MARCHF1: variants seen among roughly 807,000 people sequenced by gnomAD.
The protein encoded by MARCHF1 is E3 ubiquitin-protein ligase MARCHF1.
MARCHF1 carries 40 observed loss-of-function variants against 54.2 expected under a neutral mutation model. The observed-to-expected ratio is 0.74, with a 90% CI of 0.57 to 0.96. The LOEUF (loss-of-function observed/expected upper bound fraction) is 0.96, where lower values mean the gene tolerates loss of function less well. Ranked by LOEUF, MARCHF1 falls within the 40% of genes least tolerant of loss-of-function variation. The probability of loss-of-function intolerance (pLI) is 0.00; values close to 1 mark genes in which losing one functional copy is unlikely to be tolerated. For synonymous variants in MARCHF1, 236 were observed against 236.3 expected (o/e 1.00, Z 0.01); for missense variants, 586 against 656.5 (o/e 0.89, Z 1.17).
At chr4:163,955,609 A>G (rs1752216928) in intron 3 of MARCHF1, among the ~76,000 whole-genome samples, 1 of 152,054 alleles carries the variant, frequency 6.6e-6, no homozygotes, top group South Asian at 2.1e-4. Context: ...TGTCTCACTC[A>G]TTCACTCTTC....
chr4:164,351,317 T>G lies in MARCHF1; in HGVS notation c.-323+32553A>C, dbSNP rs551108160. 5.6e-4 allele frequency among the ~76,000 whole-genome samples: 84 copies of G among 151,000 alleles called. 4 individuals are homozygous for G. Among genetic ancestry groups the G allele is most frequent in the East Asian group, 3.7e-3 (19 of 5,098 alleles). On this transcript the variant is annotated intron_variant, in intron 1 of 9. Coordinates refer to ENST00000514618, the MANE Select transcript of MARCHF1 (RefSeq NM_001394959.1). ...CTCCACCTCTGGGGGCAGGGCACAG[T>G]CAAACAAAAAGACAGCAGTAACCTC...
intron 1 of MARCHF1, among the ~76,000 whole-genome samples, chr4:164,280,624 C>T (rs944600654): frequency 3.9e-5 from 6 of 152,046 alleles, no homozygotes; most frequent in African/African-American, 1.4e-4. Context: ...GTCAACTAAA[C>T]CCAGAAAATA....
intron 2 of MARCHF1, among the ~76,000 whole-genome samples, chr4:164,077,461 T>TA (rs1189779254): frequency 6.6e-6 from 1 of 152,158 alleles, no homozygotes; most frequent in Non-Finnish European, 1.5e-5. Context: ...ATTCAGGACA[T>TA]AGGCATGGGC....
At chr4:163,572,623 T>C (rs955025497) in intron 8 of MARCHF1, among the ~76,000 whole-genome samples, 2 of 152,128 alleles carry the variant, frequency 1.3e-5, no homozygotes, top group African/African-American at 4.8e-5. Flanking sequence ...TGTAGGGGTC[T>C]TTGTGCCACG....
intron 5 of MARCHF1, among the ~76,000 whole-genome samples, chr4:163,699,809 AG>A (rs1744748785): frequency 6.6e-6 from 1 of 152,142 alleles, no homozygotes; most frequent in Non-Finnish European, 1.5e-5. Context: ...CCCAAGCACC[AG>A]GTGTATATAT....
intron 4 of MARCHF1, among the ~76,000 whole-genome samples, chr4:163,727,860 A>T (rs1745710577): frequency 6.6e-6 from 1 of 151,180 alleles, no homozygotes; most frequent in Non-Finnish European, 1.5e-5. Context: ...TTATTTTTTT[A>T]ATTTTATATA....
In MARCHF1 at chr4:164,284,476, G is replaced by T. The variant is rs72989557; in HGVS notation, c.-323+99394C>A. ...CTTTATAACATATTATGGCAATTAG[G>T]TAAGTAAGGATTTGAATATTCAGGT... On this transcript the variant is annotated intron_variant, in intron 1 of 9. Transcript: ENST00000514618. 5.8e-3 allele frequency among the ~76,000 whole-genome samples: 882 copies of T among 151,026 alleles called. 26 individuals carry two copies. Among genetic ancestry groups the T allele is most frequent in the African/African-American group, 0.021 (856 of 41,186 alleles).
chr4:164,335,903 T>C (rs928865777), intron 1 of MARCHF1, among the ~76,000 whole-genome samples: 2 of 152,184 alleles, frequency 1.3e-5, no homozygotes, highest in African/African-American at 4.8e-5. Context: ...AACCTGAATA[T>C]ATGTATTCTT....
In MARCHF1 at chr4:163,576,367, T is replaced by C. The variant is rs368964332; in HGVS notation, c.1191+9382A>G. ...TTGGTTTTGAGAAATCTTCTTGATA[T>C]AGATTTCTATTTTTATTTCACCATG... is the stretch of plus-strand genomic sequence containing the variant. On this transcript the variant is annotated intron_variant, in intron 8 of 9. Coordinates refer to ENST00000514618, the MANE Select transcript of MARCHF1 (RefSeq NM_001394959.1). Among the ~76,000 whole-genome samples, 4 of 152,140 alleles carry C rather than the reference T, an allele frequency of 2.6e-5. No homozygotes were observed. The South Asian group carries it at 6.2e-4, about 24-fold the overall frequency.
intron 1 of MARCHF1, among the ~76,000 whole-genome samples, chr4:164,328,731 T>C (rs1224043492): frequency 6.6e-6 from 1 of 152,172 alleles, no homozygotes; most frequent in African/African-American, 2.4e-5. Flanking sequence ...GGTTTCACCA[T>C]GTTGCCCAGG....
chr4:164,218,306 TAA>T (rs1731990230), intron 1 of MARCHF1, among the ~76,000 whole-genome samples: 1 of 152,074 alleles, frequency 6.6e-6, no homozygotes. Context: ...TATTGAAACT[TAA>T]GTGGCATTTT....
At chr4:163,592,451 A>C (rs745974552) in intron 7 of MARCHF1, among the ~76,000 whole-genome samples, 1 of 152,114 alleles carries the variant, frequency 6.6e-6, no homozygotes, top group Non-Finnish European at 1.5e-5. Flanking sequence ...ATGACATGGC[A>C]ATGTCCCTGG....
chr4:164,257,419 T>C (rs1480093510), intron 1 of MARCHF1, among the ~76,000 whole-genome samples: 1 of 152,018 alleles, frequency 6.6e-6, no homozygotes, highest in African/African-American at 2.4e-5. Flanking sequence ...GGCCAAACCA[T>C]ATAAAAAATA....
intron 1 of MARCHF1, among the ~76,000 whole-genome samples, chr4:164,298,966 C>G (rs11722251): frequency 0.26 from 40,233 of 151,926 alleles, 5,756 homozygotes; most frequent in Admixed American, 0.39. Flanking sequence ...AAATAAAATA[C>G]AGGTGTATAA....
At chr4:163,844,114 C>G (rs1253524373) in intron 4 of MARCHF1, among the ~76,000 whole-genome samples, 3 of 151,936 alleles carry the variant, frequency 2.0e-5, no homozygotes, top group Admixed American at 1.3e-4. Flanking sequence ...TTTTCCTGAT[C>G]CTCTCCCTAC....
intron 3 of MARCHF1, among the ~76,000 whole-genome samples, chr4:163,906,586 A>G (rs1751072169): frequency 6.6e-6 from 1 of 151,906 alleles, no homozygotes; most frequent in Non-Finnish European, 1.5e-5. Flanking sequence ...CATCACCACA[A>G]TCTATGCCAT....
intron 1 of MARCHF1, among the ~76,000 whole-genome samples, chr4:164,206,217 A>G (rs1260521232): frequency 6.6e-6 from 1 of 152,150 alleles, no homozygotes; most frequent in Non-Finnish European, 1.5e-5. Context: ...CAGGCAGATC[A>G]CCTGAGGTCA....
chr4:164,356,377 C>G (rs1472837350), intron 1 of MARCHF1, among the ~76,000 whole-genome samples: 3 of 141,272 alleles, frequency 2.1e-5, no homozygotes, highest in Non-Finnish European at 4.7e-5. Context: ...AAATGTCCAA[C>G]AATGATAGAC....
chr4:164,351,259 G>C (rs35701222), intron 1 of MARCHF1, among the ~76,000 whole-genome samples: 56,832 of 138,314 alleles, frequency 0.41, 12,978 homozygotes, highest in Non-Finnish European at 0.5. Context: ...TGGAGCCCAC[G>C]ACAGCTCAAG....
Sources: gnomAD v4.1 joint callset for allele counts (sites outside exome capture counted in the v4.1 genomes callset) on GRCh38, gnomAD v4.1.1 for gene constraint, MANE v1.5 for transcripts, NCBI Gene and HGNC (gene_info 2026-07-23, HGNC 2026-07-21) for gene names.